KRT16: variants seen among roughly 807,000 people sequenced by gnomAD.
The protein encoded by KRT16 is keratin, type I cytoskeletal 16.
KRT16 carries 42 observed loss-of-function variants against 44.8 expected under a neutral mutation model. The ratio of observed to expected loss-of-function variants is 0.94; its 90% CI spans 0.73 to 1.21. KRT16 has a LOEUF of 1.21. KRT16 is among the 50% of genes most tolerant of loss of function. The pLI, the probability that KRT16 is intolerant of heterozygous loss-of-function variation, is 0.00. For synonymous variants in KRT16, 226 were observed against 260.4 expected (o/e 0.87, Z 1.27); for missense variants, 561 against 626.9 (o/e 0.89, Z 1.12).
chr17:41,610,326 C>T lies in KRT16; in HGVS notation c.1280+5G>A, dbSNP rs934666354. ...GGAGGCAGAACTGAGGGGCCTGGGA[C>T]TCACTGGGCATCCTCGCCCTCCAGC... On this transcript the variant is annotated splice_donor_5th_base_variant and intron_variant, in intron 6 of 7. Transcript: ENST00000301653. The T allele has an allele frequency of 1.2e-6, 2 of 1,613,078 alleles. No individual in the cohort carries two copies. The highest frequency in any genetic ancestry group is 1.7e-5 in the Admixed American group (1 of 59,998).
chr17:41,612,176 G>T lies in KRT16; in HGVS notation c.513C>A (p.Ile171=). 6.2e-7 allele frequency: 1 copy of T among 1,612,286 alleles called. No individual in the cohort carries two copies. The highest frequency in any genetic ancestry group is 8.5e-7 in the Non-Finnish European group (1 of 1,179,912). The change falls in exon 1 of 8, where the codon ATC becomes ATA. Residue 171 remains isoleucine (I), a synonymous_variant. Coordinates refer to ENST00000301653, the MANE Select transcript of KRT16 (RefSeq NM_005557.4). ...CACCCACCTTGTTCCTCAGGTCCTC[G>T]ATGGTCTTGAAGTAGGGACTGTAGT... The part of the protein sequence containing the change: ...IKDYSPYFKT[I]EDLRNKIIAA...
rs1040804862 is a variant in KRT16, at chr17:41,612,617, G to A, written c.72C>T (p.Ile24=). The change falls in exon 1 of 8, where the codon ATC becomes ATT. Residue 24 remains isoleucine, a synonymous_variant. Coordinates refer to ENST00000301653, the MANE Select transcript of KRT16 (RefSeq NM_005557.4). ...MKGSCGIGGG[I]GGGSSRISSV... ...AGGAGATGCGGCTGGAGCCGCCCCC[G>A]ATGCCGCCTCCGATGCCGCAGGAGC... The A allele has an allele frequency of 1.0e-5, 16 of 1,596,390 alleles. No homozygotes were observed. Among genetic ancestry groups the A allele is most frequent in the East Asian group, 9.1e-5 (4 of 43,874 alleles).
Position 41,612,497 on chromosome 17 carries a change from C to G in KRT16, c.192G>C (p.Leu64=). ...TGAAGCCACCGCCATAGCCGCCCCC[C>G]AGCCCGCAGGCTCCCCCAGAGGAGA... ...SRFSSGGACG[L]GGGYGGGFSS... The change falls in exon 1 of 8, where the codon CTG becomes CTC. Residue 64 remains leucine, a synonymous_variant. Transcript: ENST00000301653. 1 of 1,606,776 alleles carries G rather than the reference C, an allele frequency of 6.2e-7. No homozygotes were observed.
rs756659524 is a variant in KRT16 at position 41,612,237 on chromosome 17, T to C, written c.452A>G (p.Asp151Gly). The change falls in exon 1 of 8, where the codon GAC becomes GGC. Residue 151 changes from aspartate to glycine, a missense_variant. Physicochemically the swap from Asp to Gly is moderately conservative, Grantham distance 94. Coordinates refer to ENST00000301653, the MANE Select transcript of KRT16 (RefSeq NM_005557.4). ...ANADLEVKIR[D>G]WYQRQRPSEI... ...ACTGGGCCGCTGCCTCTGGTACCAG[T>C]CACGGATCTTCACTTCCAGGTCGGC... 3.1e-6 allele frequency: 5 copies of C among 1,613,350 alleles called. No individual in the cohort carries two copies. In the African/African-American group the frequency reaches 5.3e-5, roughly 17 times the overall value.
Position 41,612,381 on chromosome 17 carries a change from C to G in KRT16, c.308G>C (p.Gly103Ala), listed in dbSNP as rs1428768777. The G allele has an allele frequency of 1.2e-6, 2 of 1,614,216 alleles. No individual in the cohort carries two copies. Among genetic ancestry groups the G allele is most frequent in the Non-Finnish European group, 8.5e-7 (1 of 1,180,044 alleles). Residue 103 changes from glycine (G) to alanine (A), a missense_variant, in exon 1 of 8, where the codon GGT becomes GCT. By Grantham distance (60) the Gly-to-Ala change is moderately conservative (BLOSUM62 0). Coordinates refer to ENST00000301653, the MANE Select transcript of KRT16 (RefSeq NM_005557.4). ...GFGGGLGAGFGGGFAGGDGLL... is the reference protein window; with the variant it reads ...GFGGGLGAGFAGGFAGGDGLL... Reference sequence around the variant, plus strand: ...CCCATCACCACCAGCAAAACCACCACCAAAGCCAGCACCCAAGCCACCACC... The same window carrying G: ...CCCATCACCACCAGCAAAACCACCAGCAAAGCCAGCACCCAAGCCACCACC...
intron 7 of KRT16, 76 bp from the exon 8 acceptor site, chr17:41,610,105 G>A (rs539857081): frequency 5.4e-5 from 86 of 1,587,568 alleles, no homozygotes; most frequent in Admixed American, 2.7e-4. Flanking sequence ...AGGGAGGGCT[G>A]GGAGCTCTGA....
At chr17:41,611,610 G>T in intron 2 of KRT16, 29 bp downstream of exon 2, 3 of 1,607,932 alleles carry the variant, frequency 1.9e-6, no homozygotes, top group East Asian at 2.2e-5. Flanking sequence ...CTTGCCCTCT[G>T]CCCCCAGCCC....
chr17:41,612,584 C>G lies in KRT16; in HGVS notation c.105G>C (p.Leu35=). The G allele has an allele frequency of 6.3e-7, 1 of 1,596,088 alleles. No individual in the cohort carries two copies. Among genetic ancestry groups the G allele is most frequent in the Non-Finnish European group, 8.5e-7 (1 of 1,171,900 alleles). ...TGGGGGCACGGCAGGACCCTCCGGCCAGGACGGAGGAGATGCGGCTGGAGC... is the reference window on the plus strand; with the variant it reads ...TGGGGGCACGGCAGGACCCTCCGGCGAGGACGGAGGAGATGCGGCTGGAGC... The part of the protein sequence containing the change: ...GGGSSRISSV[L]AGGSCRAPST... Residue 35 remains leucine (L), a synonymous_variant, in exon 1 of 8, where the codon CTG becomes CTC. Coordinates refer to ENST00000301653, the MANE Select transcript of KRT16 (RefSeq NM_005557.4).
chr17:41,609,943 T>C lies in KRT16; in HGVS notation c.1414A>G (p.Ser472Gly). The C allele has an allele frequency of 6.2e-7, 1 of 1,611,744 alleles. No homozygotes were observed. The highest frequency in any genetic ancestry group is 8.5e-7 in the Non-Finnish European group (1 of 1,179,760). ...GTAGAGGCAGCTCAGTTCTAGGAGC[T>C]CTGGCCCTGGCTGAAGCTGGATGAG... The part of the protein sequence containing the change: ...QSSSSFSQGQ[S>G]S The change falls in exon 8 of 8, where the codon AGC becomes GGC. Residue 472 changes from serine to glycine, a missense_variant. Physicochemically the swap from Ser to Gly is moderately conservative, Grantham distance 56. Coordinates refer to ENST00000301653, the MANE Select transcript of KRT16 (RefSeq NM_005557.4).
At chr17:41,611,981 T>C in intron 1 of KRT16, 177 bp downstream of exon 1, 2 of 873,696 alleles carry the variant, frequency 2.3e-6, no homozygotes, top group Non-Finnish European at 1.9e-6. Context: ...ACAGCCCCAG[T>C]CCGGGCACAG....
chr17:41,612,196 T>G lies in KRT16; in HGVS notation c.493A>C (p.Ser165Arg), dbSNP rs771047238. 1.9e-6 allele frequency: 3 copies of G among 1,612,572 alleles called. No individual in the cohort carries two copies. The African/African-American group carries it at 4.0e-5, about 22-fold the overall frequency. ...RQRPSEIKDY[S>R]PYFKTIEDLR... ...TCCTCGATGGTCTTGAAGTAGGGAC[T>G]GTAGTCTTTGATCTCACTGGGCCGC... The change falls in exon 1 of 8, where the codon AGT becomes CGT. Residue 165 changes from serine (S) to arginine (R), a missense_variant. By Grantham distance (110) the Ser-to-Arg change is moderately radical (BLOSUM62 -1). Transcript: ENST00000301653.
Position 41,611,693 on chromosome 17 carries a change from T to G in KRT16, c.560A>C (p.Gln187Pro). Reference protein sequence around the residue: ...KIIAATIENAQPILQIDNARL... With the variant: ...KIIAATIENAPPILQIDNARL... ...GGCATTGTCAATCTGCAAAATGGGC[T>G]GCGCATTCTCAATGGTGGCCGCAAT... Residue 187 changes from glutamine to proline, a missense_variant, in exon 2 of 8, where the codon CAG becomes CCG. Gln to Pro is a moderately conservative substitution (Grantham distance 76). Coordinates refer to ENST00000301653, the MANE Select transcript of KRT16 (RefSeq NM_005557.4). 4 of 1,611,380 alleles carry G rather than the reference T, an allele frequency of 2.5e-6. No homozygotes were observed. Among genetic ancestry groups the G allele is most frequent in the Non-Finnish European group, 3.4e-6 (4 of 1,179,614 alleles).
intron 1 of KRT16, 152 bp downstream of exon 1, chr17:41,611,998 TGAAAAGGG>T (rs1908217438): frequency 5.1e-6 from 5 of 972,654 alleles, no homozygotes. Context: ...ACAGAGATAC[TGAAAAGGG>T]ACCCTCTGCT....
intron 3 of KRT16, 43 bp downstream of exon 3, chr17:41,611,302 C>T: frequency 6.2e-7 from 1 of 1,613,974 alleles, no homozygotes; most frequent in Non-Finnish European, 8.5e-7. Flanking sequence ...CTGGCAACCC[C>T]ACCAAACCAG....
Position 41,612,499 on chromosome 17 carries a change from G to A in KRT16, c.190C>T (p.Leu64=), listed in dbSNP as rs1908240761. 2.5e-6 allele frequency: 4 copies of A among 1,605,338 alleles called. No individual in the cohort carries two copies. Among genetic ancestry groups the A allele is most frequent in the Non-Finnish European group, 3.4e-6 (4 of 1,176,064 alleles). Residue 64 remains leucine, a synonymous_variant, in exon 1 of 8, where the codon CTG becomes TTG. Coordinates refer to ENST00000301653, the MANE Select transcript of KRT16 (RefSeq NM_005557.4). ...SRFSSGGACG[L]GGGYGGGFSS... is the part of the protein sequence containing the mutation. The stretch of plus-strand genomic sequence containing the variant: ...AAGCCACCGCCATAGCCGCCCCCCA[G>A]CCCGCAGGCTCCCCCAGAGGAGAAG...
In KRT16 at chr17:41,611,042, C is replaced by T. The variant is rs1422718414; in HGVS notation, c.933+27G>A. Reference sequence around the variant, plus strand: ...CAAAGCCCCCAGCTGGGAAGTGCTGCAGGCTCACTGCGGGCCCGAGCCCCA... The same window carrying T: ...CAAAGCCCCCAGCTGGGAAGTGCTGTAGGCTCACTGCGGGCCCGAGCCCCA... On this transcript the variant is annotated intron_variant, in intron 4 of 7. Transcript: ENST00000301653. The T allele has an allele frequency of 2.5e-6, 4 of 1,613,908 alleles. No homozygotes were observed. In the African/African-American group the frequency reaches 5.3e-5, roughly 22 times the overall value.
rs1908216076 is a variant in KRT16, at chr17:41,611,958, G to C, written c.531+200C>G. ...GCAGCTGAACCCTTGAAGGAAATAAGAGATTTAGGGTAACAGCCCCAGTCC... is the reference window on the plus strand; with the variant it reads ...GCAGCTGAACCCTTGAAGGAAATAACAGATTTAGGGTAACAGCCCCAGTCC... On this transcript the variant is annotated intron_variant, in intron 1 of 7. Transcript: ENST00000301653. The C allele has an allele frequency of 4.9e-6, 4 of 814,650 alleles. No individual in the cohort carries two copies. The East Asian group carries it at 1.1e-4, about 22-fold the overall frequency. 50.5% of individuals were successfully genotyped at this position (814,650 alleles called of 1,614,324 possible).
rs770415576 is a variant in KRT16, at chr17:41,611,021, G to GC, written c.934-43dup. On this transcript the variant is annotated intron_variant, in intron 4 of 7. Transcript: ENST00000301653. ...GAGTGAAAGGTGAGGCTCTCCCAAA[G>GC]CCCCCAGCTGGGAAGTGCTGCAGGC... 7 of 1,613,990 alleles carry GC rather than the reference G, an allele frequency of 4.3e-6. No homozygotes were observed. In the South Asian group the frequency reaches 7.7e-5, roughly 18 times the overall value.
chr17:41,610,744 C>G, intron 5 of KRT16, 110 bp downstream of exon 5: 3 of 1,558,722 alleles, frequency 1.9e-6, no homozygotes, highest in South Asian at 1.1e-5. Flanking sequence ...CCCATGAGTC[C>G]CCTGGTCCCA....
Sources: allele counts gnomAD v4.1 joint callset, GRCh38; gene constraint gnomAD v4.1.1; transcripts MANE v1.5; gene names NCBI Gene and HGNC (gene_info 2026-07-23, HGNC 2026-07-21).